ZFAND2A: variants seen among roughly 807,000 people sequenced by gnomAD.
The protein encoded by ZFAND2A is AN1-type zinc finger protein 2A.
In ZFAND2A, 20 loss-of-function variants were observed where a neutral mutation model predicts 11.6. The observed-to-expected ratio is 1.72, with a 90% confidence interval of 1.21 to 2.50. The LOEUF (loss-of-function observed/expected upper bound fraction) is 2.50, where lower values mean the gene tolerates loss of function less well. ZFAND2A is among the 30% of genes most tolerant of loss of function. The pLI is 0.00. For missense variants in ZFAND2A, 234 were observed against 182.9 expected (o/e 1.28, Z -1.61); for synonymous variants, 93 against 60.6 (o/e 1.54, Z -2.48).
At position 1,158,161 on chromosome 7, in the gene ZFAND2A, G is replaced by A. The variant is rs1197740440; in HGVS notation, c.52C>T (p.Leu18=). Residue 18 remains leucine, a synonymous_variant, in exon 2 of 5, where the codon CTA becomes TTA. Coordinates refer to ENST00000316495, the MANE Select transcript of ZFAND2A (RefSeq NM_182491.4). ...KHCSEKTCKQ[L]DFLPVKCDAC... is the part of the protein sequence containing the mutation. ...TAAGTCTCTTAAAAGTACTCACCTA[G>A]CTGCTTGCAAGTCTTTTCTGAACAA... 1.9e-6 allele frequency: 3 copies of A among 1,614,058 alleles called. No individual in the cohort carries two copies. Among genetic ancestry groups the A allele is most frequent in the South Asian group, 1.1e-5 (1 of 91,080 alleles).
downstream of ZFAND2A, among the ~76,000 whole-genome samples, chr7:1,151,074 C>T (rs181567031): frequency 1.9e-3 from 290 of 152,114 alleles, 1 homozygote; most frequent in Middle Eastern, 0.014. Flanking sequence ...TTTTAGTAGA[C>T]ATGGGGTTTC....
At chr7:1,159,836 G>A (rs1373150875) in intron 1 of ZFAND2A, 128 bp downstream of exon 1, 1 of 183,066 alleles carries the variant, frequency 5.5e-6, no homozygotes, top group Non-Finnish European at 1.2e-5. Flanking sequence ...CCAGCAGCCT[G>A]ACCTCCAGCA....
downstream of ZFAND2A, among the ~76,000 whole-genome samples, chr7:1,152,665 G>C (rs1563159119): frequency 1.3e-5 from 2 of 152,080 alleles, no homozygotes; most frequent in African/African-American, 4.8e-5. Flanking sequence ...GGGAAGTCGG[G>C]ACACACACAG....
At chr7:1,152,773 G>A (rs541454302), downstream of ZFAND2A, 9 of 521,822 alleles carry the variant, frequency 1.7e-5, no homozygotes, top group African/African-American at 1.1e-4. Context: ...GCCCTCAGAA[G>A]GGGCTGGCCC....
chr7:1,153,275 T>A (rs1443472113), intron 4 of ZFAND2A, 51 bp from the exon 5 acceptor site: 6 of 1,586,176 alleles, frequency 3.8e-6, no homozygotes, highest in Non-Finnish European at 4.3e-6. Flanking sequence ...GGAGACAGGG[T>A]CTCGCTCTGT....
At chr7:1,154,427 C>CA (rs1298737054) in intron 4 of ZFAND2A, among the ~76,000 whole-genome samples, 2 of 152,200 alleles carry the variant, frequency 1.3e-5, no homozygotes. Flanking sequence ...GGGCCAGGAG[C>CA]AGCCGGGAGG....
At chr7:1,159,312 A>G (rs78067177) in intron 1 of ZFAND2A, among the ~76,000 whole-genome samples, 3,356 of 152,270 alleles carry the variant, frequency 0.022, 124 homozygotes, top group East Asian at 0.19. Flanking sequence ...GTCCTAGGAA[A>G]CCAACACCCT....
chr7:1,150,068 G>C (rs1793369854), downstream of ZFAND2A, among the ~76,000 whole-genome samples: 1 of 151,762 alleles, frequency 6.6e-6, no homozygotes, highest in African/African-American at 2.4e-5. Flanking sequence ...GGCCAGGCTG[G>C]TCTCAAACTC....
At position 1,153,076 on chromosome 7, in the gene ZFAND2A, G is replaced by C. The variant is rs1034139623; in HGVS notation, c.431C>G (p.Ala144Gly). Residue 144 changes from alanine (A) to glycine (G), a missense_variant, in exon 5 of 5, where the codon GCT (alanine) becomes GGT (glycine). Physicochemically the swap from Ala to Gly is moderately conservative, Grantham distance 60. Transcript: ENST00000316495. The stretch of plus-strand genomic sequence containing the variant: ...TCGCAGCGGAGTCTCTTCTCACCCA[G>C]CTTTGATGGTGGGGCGACTCCCGTG... ...CRHGSRPTIKAG is the reference protein window; with the variant it reads ...CRHGSRPTIKGG The C allele has an allele frequency of 5.6e-6, 9 of 1,614,030 alleles. No individual in the cohort carries two copies. The highest frequency in any genetic ancestry group is 7.6e-6 in the Non-Finnish European group (9 of 1,180,040).
At chr7:1,152,348 C>G (rs771817337), downstream of ZFAND2A, 45 of 1,560,958 alleles carry the variant, frequency 2.9e-5, no homozygotes, top group Admixed American at 3.8e-4. Flanking sequence ...TGAGCACCTA[C>G]AGAGAGGGTG....
downstream of ZFAND2A, chr7:1,152,203 G>C (rs116031570): frequency 8.1e-4 from 1,232 of 1,526,606 alleles, 6 homozygotes; most frequent in African/African-American, 0.015. Context: ...CACCAACCAA[G>C]AGCTGCAGCA....
At chr7:1,155,394 C>G in intron 4 of ZFAND2A, 59 bp downstream of exon 4, 1 of 1,588,962 alleles carries the variant, frequency 6.3e-7, no homozygotes, top group South Asian at 1.1e-5. Flanking sequence ...CAAACTGACT[C>G]TTCCCAAGGA....
At position 1,153,489 on chromosome 7, in the gene ZFAND2A, G is replaced by A. The variant is rs112187056; in HGVS notation, c.283-265C>T. Reference sequence around the variant, plus strand: ...AAACTCAGCCTCAGGTGATCCTCCCGCCTTGGCCTCCCAAAGTGCTAAGAT... The same window carrying A: ...AAACTCAGCCTCAGGTGATCCTCCCACCTTGGCCTCCCAAAGTGCTAAGAT... On this transcript the variant is annotated intron_variant, in intron 4 of 4. Transcript: ENST00000316495. 6.9e-4 allele frequency among the ~76,000 whole-genome samples: 105 copies of A among 152,232 alleles called. 1 individual carries two copies. Among genetic ancestry groups the A allele is most frequent in the African/African-American group, 2.4e-3 (100 of 41,526 alleles).
downstream of ZFAND2A, chr7:1,152,193 CACCA>C (rs1431085561): frequency 2.0e-6 from 3 of 1,515,900 alleles, no homozygotes; most frequent in Non-Finnish European, 2.7e-6. Context: ...TTTCCGTGTT[CACCA>C]ACCAAGAGCT....
chr7:1,159,369 C>T (rs914966204), intron 1 of ZFAND2A, among the ~76,000 whole-genome samples: 2 of 152,254 alleles, frequency 1.3e-5, no homozygotes, highest in Admixed American at 1.3e-4. Context: ...ATCTACGTGG[C>T]TGTCACTCGG....
In ZFAND2A at chr7:1,157,742, G is replaced by A; in HGVS notation, c.64C>T (p.Pro22Ser). The change falls in exon 3 of 5, where the codon CCA (proline) becomes TCA (serine). Residue 22 changes from proline to serine, a missense_variant. Physicochemically the swap from Pro to Ser is moderately conservative, Grantham distance 74. Transcript: ENST00000316495. ...TGTTTACATGCATCACATTTTACTG[G>A]AAGAAAATCTAAAAAACAAAAAACA... ...EKTCKQLDFL[P>S]VKCDACKQDF... 2 of 1,550,418 alleles carry A rather than the reference G, an allele frequency of 1.3e-6. No individual in the cohort carries two copies. Among genetic ancestry groups the A allele is most frequent in the Non-Finnish European group, 1.7e-6 (2 of 1,152,490 alleles).
chr7:1,158,946 G>T (rs1370296706), intron 1 of ZFAND2A, among the ~76,000 whole-genome samples: 1 of 152,012 alleles, frequency 6.6e-6, no homozygotes, highest in Admixed American at 6.5e-5. Flanking sequence ...CCCCTCCCGG[G>T]GCCTTTTCCT....
intron 1 of ZFAND2A, among the ~76,000 whole-genome samples, chr7:1,158,903 G>T (rs1793601215): frequency 6.6e-6 from 1 of 151,752 alleles, no homozygotes; most frequent in Non-Finnish European, 1.5e-5. Flanking sequence ...TTTTCCTGGG[G>T]CTCACGAGGT....
At chr7:1,155,630 A>G in intron 3 of ZFAND2A, 46 bp from the exon 4 acceptor site, 1 of 1,598,786 alleles carries the variant, frequency 6.3e-7, no homozygotes, top group Non-Finnish European at 8.5e-7. Context: ...CATGCAACTT[A>G]AACTCACAGA....
Sources: allele counts gnomAD v4.1 joint callset (sites outside exome capture counted in the v4.1 genomes callset), GRCh38; gene constraint gnomAD v4.1.1; transcripts MANE v1.5; gene names NCBI Gene and HGNC (gene_info 2026-07-23, HGNC 2026-07-21).